ORC3: variants seen among roughly 807,000 people sequenced by gnomAD.
ORC3 encodes the protein origin recognition complex subunit 3, also known as homolog of latheo, Drosophila.
In ORC3, 78 loss-of-function variants were observed where a neutral mutation model predicts 100.7. The observed-to-expected ratio is 0.77, with a 90% CI of 0.65 to 0.94. ORC3 has a LOEUF of 0.94. ORC3 is among the 40% of genes least tolerant of loss of function. The pLI is 0.00. For missense variants in ORC3, 789 were observed against 823.9 expected (o/e 0.96, Z 0.52); for synonymous variants, 295 against 289.3 (o/e 1.02, Z -0.20).
intron 4 of ORC3, among the ~76,000 whole-genome samples, chr6:87,605,195 G>T (rs532854015): frequency 1.1e-4 from 16 of 152,246 alleles, no homozygotes; most frequent in African/African-American, 3.4e-4. Flanking sequence ...ATAGAGACAG[G>T]TTCTCACCAT....
At chr6:87,666,930 T>G in intron 19 of ORC3, 88 bp from the exon 20 acceptor site, 1 of 723,980 alleles carries the variant, frequency 1.4e-6, no homozygotes, top group Non-Finnish European at 2.4e-6. Context: ...ATCTACTTCA[T>G]TTTACCAACT....
At chr6:87,632,095 T>A (rs1293692766) in intron 11 of ORC3, among the ~76,000 whole-genome samples, 2 of 151,812 alleles carry the variant, frequency 1.3e-5, no homozygotes, top group Admixed American at 1.3e-4. Flanking sequence ...GCCTGGGAGG[T>A]GGAGGTTGCA....
chr6:87,630,535 A>C (rs1402603691), intron 11 of ORC3, among the ~76,000 whole-genome samples: 1 of 152,236 alleles, frequency 6.6e-6, no homozygotes, highest in East Asian at 1.9e-4. Flanking sequence ...ACAGGAGTGA[A>C]CCAAACAGCC....
downstream of ORC3, among the ~76,000 whole-genome samples, chr6:87,672,074 T>G (rs1770845485): frequency 6.6e-6 from 1 of 152,108 alleles, no homozygotes; most frequent in Non-Finnish European, 1.5e-5. Flanking sequence ...TGAATCGTGT[T>G]TGGGGGATGA....
intron 2 of ORC3, among the ~76,000 whole-genome samples, chr6:87,600,767 ATG>A (rs1422748359): frequency 6.6e-6 from 1 of 151,362 alleles, no homozygotes; most frequent in Non-Finnish European, 1.5e-5. Context: ...GTCATAATTT[ATG>A]TGTGAGTTAT....
chr6:87,620,002 G>A (rs991546493), intron 9 of ORC3, among the ~76,000 whole-genome samples: 7 of 152,148 alleles, frequency 4.6e-5, no homozygotes, highest in African/African-American at 1.7e-4. Context: ...ATGTACAGCA[G>A]GACATATTAT....
intron 11 of ORC3, among the ~76,000 whole-genome samples, chr6:87,633,739 G>C (rs1319567373): frequency 6.6e-6 from 1 of 152,144 alleles, no homozygotes; most frequent in Non-Finnish European, 1.5e-5. Flanking sequence ...TCTTAAAGGA[G>C]AAAAATATTG....
chr6:87,592,634 T>C (rs182001334), intron 1 of ORC3, among the ~76,000 whole-genome samples: 2 of 151,118 alleles, frequency 1.3e-5, no homozygotes, highest in African/African-American at 4.9e-5. Flanking sequence ...GTCTCAACAA[T>C]AGCAGAAAAA....
chr6:87,654,115 A>G (rs994312573), intron 14 of ORC3, among the ~76,000 whole-genome samples: 7 of 152,232 alleles, frequency 4.6e-5, no homozygotes, highest in African/African-American at 1.7e-4. Flanking sequence ...AGAATTGGAC[A>G]TGACATGTTG....
chr6:87,667,330 A>C lies in ORC3; in HGVS notation c.*207A>C. On this transcript the variant is annotated 3_prime_UTR_variant, in exon 20 of 20. Transcript: ENST00000392844. The stretch of plus-strand genomic sequence containing the variant: ...GTACTTTAGACTCCAACAAATAATA[A>C]TGTAACTAAAACTGCTCACACATTT... The C allele has an allele frequency of 2.4e-6, 1 of 424,132 alleles. No individual in the cohort carries two copies. 26.3% of individuals were successfully genotyped at this position (424,132 alleles called of 1,614,324 possible).
chr6:87,613,430 A>G (rs1354374086), intron 8 of ORC3, among the ~76,000 whole-genome samples: 1 of 152,154 alleles, frequency 6.6e-6, no homozygotes, highest in Non-Finnish European at 1.5e-5. Context: ...ACCAAACCAT[A>G]TCATTCTGCC....
At chr6:87,604,762 T>C (rs890904745) in intron 4 of ORC3, among the ~76,000 whole-genome samples, 3 of 152,200 alleles carry the variant, frequency 2.0e-5, no homozygotes, top group African/African-American at 4.8e-5. Flanking sequence ...TAGACCATAA[T>C]GCATGCTAGG....
At chr6:87,676,751 G>C in the ORC3 span, among the ~76,000 whole-genome samples, 1 of 151,262 alleles carries the variant, frequency 6.6e-6, no homozygotes, top group Admixed American at 6.6e-5. Context: ...CTGCACTCCG[G>C]CCTGGGCGAC....
intron 13 of ORC3, among the ~76,000 whole-genome samples, chr6:87,646,295 G>C (rs1349212321): frequency 6.6e-6 from 1 of 151,704 alleles, no homozygotes; most frequent in Non-Finnish European, 1.5e-5. Context: ...CAATTGTGAA[G>C]TAATTATTTC....
intron 19 of ORC3, among the ~76,000 whole-genome samples, chr6:87,666,748 A>C (rs560035267): frequency 6.6e-6 from 1 of 151,930 alleles, no homozygotes; most frequent in East Asian, 1.9e-4. Context: ...TGAATTCTCT[A>C]TTTTTCTAAT....
At chr6:87,605,862 C>A in intron 4 of ORC3, 55 bp from the exon 5 acceptor site, 2 of 923,898 alleles carry the variant, frequency 2.2e-6, no homozygotes, top group South Asian at 1.5e-5. Flanking sequence ...TAGCTTTTGT[C>A]ATTAAATTAT....
chr6:87,590,253 G>C (rs1776675626), intron 1 of ORC3, 61 bp downstream of exon 1: 2 of 1,560,634 alleles, frequency 1.3e-6, no homozygotes, highest in Non-Finnish European at 1.8e-6. Flanking sequence ...TTGAAGAAGG[G>C]ATGAAGCCGA....
At chr6:87,609,257 G>GA in intron 7 of ORC3, 28 bp downstream of exon 7, 1 of 1,490,936 alleles carries the variant, frequency 6.7e-7, no homozygotes, top group Admixed American at 2.5e-5. Context: ...TGGCTTTTAT[G>GA]AAAAACTCCC....
At chr6:87,640,986 C>G (rs991296461) in intron 13 of ORC3, among the ~76,000 whole-genome samples, 2 of 151,866 alleles carry the variant, frequency 1.3e-5, no homozygotes, top group African/African-American at 4.8e-5. Context: ...GCAAGCACCT[C>G]TAATCCCAGC....
Sources: allele counts gnomAD v4.1 joint callset (sites outside exome capture counted in the v4.1 genomes callset), GRCh38; gene constraint gnomAD v4.1.1; transcripts MANE v1.5; gene names NCBI Gene and HGNC (gene_info 2026-07-23, HGNC 2026-07-21).